Variants in GRID2 observed in about 807,000 individuals in gnomAD.
The protein encoded by GRID2 is glutamate ionotropic receptor delta type subunit 2.
In GRID2, 33 loss-of-function variants were observed where a neutral mutation model predicts 114.8. The ratio of observed to expected loss-of-function variants is 0.29; its 90% CI spans 0.22 to 0.38. The LOEUF is 0.38. GRID2 is among the 10% of genes least tolerant of loss of function. The probability of loss-of-function intolerance (pLI) is 1.00; values close to 1 mark genes in which losing one functional copy is unlikely to be tolerated. For missense variants in GRID2, 1,184 were observed against 1,257.7 expected, an observed-to-expected ratio of 0.94 and a Z score of 0.89; for synonymous variants, 505 against 449.9, an observed-to-expected ratio of 1.12 and a Z score of -1.55.
chr4:93,069,648 G>C (rs1728636901), intron 2 of GRID2, among the ~76,000 whole-genome samples: 1 of 152,108 alleles, frequency 6.6e-6, no homozygotes, highest in South Asian at 2.1e-4. Flanking sequence ...GGACTGGTCA[G>C]TAATTGAAGC....
chr4:92,428,119 G>A (rs1374766130), intron 1 of GRID2, among the ~76,000 whole-genome samples: 4 of 151,978 alleles, frequency 2.6e-5, no homozygotes, highest in South Asian at 2.1e-4. Flanking sequence ...AAAATTAGCC[G>A]GGCGTGGTGA....
chr4:92,387,969 T>G (rs1730055231), intron 1 of GRID2, among the ~76,000 whole-genome samples: 1 of 152,054 alleles, frequency 6.6e-6, no homozygotes, highest in African/African-American at 2.4e-5. Context: ...TTTATTACTG[T>G]AAAACAAATG....
At chr4:92,828,121 A>C (rs536803695) in intron 2 of GRID2, among the ~76,000 whole-genome samples, 3 of 152,030 alleles carry the variant, frequency 2.0e-5, no homozygotes, top group Non-Finnish European at 4.4e-5. Context: ...GTAATTGGTA[A>C]TATTGGTCAA....
chr4:93,502,818 A>G (rs1320251711), intron 12 of GRID2, among the ~76,000 whole-genome samples: 1 of 151,548 alleles, frequency 6.6e-6, no homozygotes. Flanking sequence ...AATAAGAGCC[A>G]GATACCCCAG....
At chr4:93,717,441 A>G (rs1728995500) in intron 14 of GRID2, among the ~76,000 whole-genome samples, 1 of 152,014 alleles carries the variant, frequency 6.6e-6, no homozygotes, top group East Asian at 1.9e-4. Context: ...CTAGTGAAGA[A>G]TTGAAACTAA....
At chr4:92,887,504 T>G (rs1746454669) in intron 2 of GRID2, among the ~76,000 whole-genome samples, 1 of 151,306 alleles carries the variant, frequency 6.6e-6, no homozygotes, top group African/African-American at 2.4e-5. Flanking sequence ...TCACTCATTG[T>G]GCACCCCTCT....
intron 2 of GRID2, among the ~76,000 whole-genome samples, chr4:92,928,717 A>T (rs1750011329): frequency 6.6e-6 from 1 of 151,630 alleles, no homozygotes; most frequent in Non-Finnish European, 1.5e-5. Context: ...CTGATCATTT[A>T]TCCACTTTCA....
chr4:93,210,212 T>C (rs2149473864), intron 5 of GRID2, among the ~76,000 whole-genome samples: 1 of 152,254 alleles, frequency 6.6e-6, no homozygotes, highest in East Asian at 1.9e-4. Flanking sequence ...TTTTTATAGT[T>C]ATGGGTTTTA....
chr4:92,464,465 A>G (rs1560648427), intron 1 of GRID2, among the ~76,000 whole-genome samples: 1 of 152,078 alleles, frequency 6.6e-6, no homozygotes, highest in Non-Finnish European at 1.5e-5. Flanking sequence ...TGCTCTACCC[A>G]CTTTAGAGTA....
At chr4:93,333,150 C>T (rs76817869) in intron 8 of GRID2, among the ~76,000 whole-genome samples, 1 of 150,848 alleles carries the variant, frequency 6.6e-6, no homozygotes, top group African/African-American at 2.5e-5. Context: ...GGAAAGTAAA[C>T]AGCTCTCTAG....
chr4:93,181,981 TA>T (rs1313776679), intron 4 of GRID2, among the ~76,000 whole-genome samples: 2 of 152,124 alleles, frequency 1.3e-5, no homozygotes, highest in African/African-American at 2.4e-5. Flanking sequence ...GAAGTAGGCT[TA>T]GAAAAAAAGG....
chr4:93,203,480 G>A (rs1020970299), intron 4 of GRID2, among the ~76,000 whole-genome samples: 11 of 152,014 alleles, frequency 7.2e-5, no homozygotes, highest in African/African-American at 2.7e-4. Context: ...AGATAAAAAT[G>A]TGTTTGTAAA....
At chr4:92,564,916 CAA>C (rs1315951145) in intron 1 of GRID2, among the ~76,000 whole-genome samples, 1 of 151,968 alleles carries the variant, frequency 6.6e-6, no homozygotes, top group Non-Finnish European at 1.5e-5. Context: ...GTCTGTTCAT[CAA>C]AAGAGTGGGA....
At chr4:93,262,950 T>C (rs1750414911) in intron 8 of GRID2, among the ~76,000 whole-genome samples, 1 of 152,000 alleles carries the variant, frequency 6.6e-6, no homozygotes, top group Non-Finnish European at 1.5e-5. Flanking sequence ...AAAGTGCCTA[T>C]TTACAAAAAT....
In GRID2 at chr4:92,749,742, G is replaced by C. The variant is rs57223815; in HGVS notation, c.244+159456G>C. ...GAGAGAAGATGGATAATGCTGAAGA[G>C]GGGTTGTTTAATGGGTACAAACATA... On this transcript the variant is annotated intron_variant, in intron 2 of 15. Transcript: ENST00000282020. Among the ~76,000 whole-genome samples the C allele has an allele frequency of 1.3e-3, 192 of 152,230 alleles. 3 individuals are homozygous for C. The East Asian group carries it at 0.035, about 27-fold the overall frequency.
chr4:93,581,623 A>T (rs1210094855), intron 13 of GRID2, among the ~76,000 whole-genome samples: 2 of 152,184 alleles, frequency 1.3e-5, no homozygotes, highest in Non-Finnish European at 2.9e-5. Flanking sequence ...GAAAATTGAT[A>T]TCCAAGGAAA....
At chr4:92,452,961 T>C (rs1471914951) in intron 1 of GRID2, among the ~76,000 whole-genome samples, 3 of 151,292 alleles carry the variant, frequency 2.0e-5, no homozygotes, top group African/African-American at 7.3e-5. Flanking sequence ...TGTGTGTGTG[T>C]GTGTGCATAC....
chr4:93,249,777 A>T (rs1485228112), intron 8 of GRID2, among the ~76,000 whole-genome samples: 3 of 152,136 alleles, frequency 2.0e-5, no homozygotes, highest in African/African-American at 7.2e-5. Context: ...AAAAAAAGCA[A>T]ATCAAAACCA....
chr4:93,396,236 C>T (rs1765321546), intron 9 of GRID2, among the ~76,000 whole-genome samples: 1 of 151,964 alleles, frequency 6.6e-6, no homozygotes, highest in Non-Finnish European at 1.5e-5. Flanking sequence ...GTGCTGATTA[C>T]TGAGAACATT....
Sources: allele counts gnomAD v4.1 joint callset (sites outside exome capture counted in the v4.1 genomes callset), GRCh38; gene constraint gnomAD v4.1.1; transcripts MANE v1.5; gene names NCBI Gene and HGNC (gene_info 2026-07-23, HGNC 2026-07-21).